The following PDIA5 variants were observed in gnomAD, a reference collection of about 807,000 sequenced individuals.
The protein encoded by PDIA5 is protein disulfide-isomerase A5.
A neutral mutation model predicts 77.6 loss-of-function variants in PDIA5; 58 were observed. The observed-to-expected ratio is 0.75, with a 90% CI of 0.61 to 0.93. The LOEUF (loss-of-function observed/expected upper bound fraction) is 0.93, where lower values mean the gene tolerates loss of function less well. Ranked by LOEUF, PDIA5 falls within the 40% of genes least tolerant of loss-of-function variation. The pLI, the probability that PDIA5 is intolerant of heterozygous loss-of-function variation, is 0.00. For synonymous variants in PDIA5, 250 were observed against 252.1 expected (o/e 0.99, Z 0.08); for missense variants, 630 against 647.7 (o/e 0.97, Z 0.30).
chr3:123,138,885 A>C (rs540914477), intron 11 of PDIA5, among the ~76,000 whole-genome samples: 170 of 152,316 alleles, frequency 1.1e-3, no homozygotes, highest in Non-Finnish European at 1.9e-3. Context: ...CCTGGCTACC[A>C]GGGAGCTTTA....
intron 1 of PDIA5, among the ~76,000 whole-genome samples, chr3:123,081,207 T>C (rs1485610120): frequency 6.6e-6 from 1 of 152,178 alleles, no homozygotes; most frequent in Admixed American, 6.5e-5. Context: ...CTGGTGGTGG[T>C]CGTGAGAATG....
chr3:123,074,824 C>A (rs573280031), intron 1 of PDIA5, among the ~76,000 whole-genome samples: 1 of 152,218 alleles, frequency 6.6e-6, no homozygotes, highest in East Asian at 1.9e-4. Context: ...TTTTCTCCAT[C>A]CAAATTCGTA....
At chr3:123,095,814 G>A (rs1934421119) in intron 3 of PDIA5, among the ~76,000 whole-genome samples, 1 of 149,386 alleles carries the variant, frequency 6.7e-6, no homozygotes, top group Admixed American at 6.7e-5. Flanking sequence ...AATGTCAGAA[G>A]ACCCAGCTTT....
chr3:123,125,522 C>T (rs1426745189), intron 10 of PDIA5, among the ~76,000 whole-genome samples: 2 of 152,176 alleles, frequency 1.3e-5, no homozygotes, highest in African/African-American at 2.4e-5. Context: ...CCTCAGCTGC[C>T]GGCACAGTGG....
chr3:123,099,949 C>T (rs552434074), intron 3 of PDIA5, among the ~76,000 whole-genome samples: 82 of 152,396 alleles, frequency 5.4e-4, no homozygotes, highest in African/African-American at 1.9e-3. Flanking sequence ...CAGGCAGGAA[C>T]TGCAGTGTGA....
At position 123,150,248 on chromosome 3, in the gene PDIA5, C is replaced by T. The variant is rs768135631; in HGVS notation, c.1157C>T (p.Pro386Leu). The change falls in exon 14 of 17, where the codon CCG becomes CTG. Residue 386 changes from proline to leucine, a missense_variant. Transcript: ENST00000316218. ...GCTTCTTGCAGCCCTGAGGCCCCCCCGCCCCCAGAGCCCACGTGGGAAGAG... is the reference window on the plus strand; with the variant it reads ...GCTTCTTGCAGCCCTGAGGCCCCCCTGCCCCCAGAGCCCACGTGGGAAGAG... Reference protein sequence around the residue: ...LEWMQNPEAPPPPEPTWEEQQ... With the variant: ...LEWMQNPEAPLPPEPTWEEQQ... 25 of 1,612,672 alleles carry T rather than the reference C, an allele frequency of 1.6e-5. No individual in the cohort carries two copies. Among genetic ancestry groups the T allele is most frequent in the African/African-American group, 5.3e-5 (4 of 74,876 alleles).
At chr3:123,146,021 G>A in intron 12 of PDIA5, 78 bp from the exon 13 acceptor site, 1 of 1,384,762 alleles carries the variant, frequency 7.2e-7, no homozygotes, top group Non-Finnish European at 1.0e-6. Flanking sequence ...GGGTTGTGGG[G>A]GCAGCGTCTG....
chr3:123,109,548 C>A (rs1243422569), intron 6 of PDIA5, among the ~76,000 whole-genome samples: 1 of 151,984 alleles, frequency 6.6e-6, no homozygotes, highest in Admixed American at 6.6e-5. Flanking sequence ...TCTCTAGTTA[C>A]GTAAACAAAG....
chr3:123,098,160 G>A lies in PDIA5; in HGVS notation c.258-4251G>A, dbSNP rs572938081. On this transcript the variant is annotated intron_variant, in intron 3 of 16. Coordinates refer to ENST00000316218, the MANE Select transcript of PDIA5 (RefSeq NM_006810.4). The stretch of plus-strand genomic sequence containing the variant: ...TTATTTAGTCTGACTTGACCCCGTA[G>A]AGAAATCAAGCTCCATTCAGCTTAT... 2.0e-5 allele frequency among the ~76,000 whole-genome samples: 3 copies of A among 152,264 alleles called. No individual in the cohort carries two copies. The South Asian group carries it at 6.2e-4, about 32-fold the overall frequency.
Position 123,067,102 on chromosome 3 carries a change from G to A in PDIA5, c.-63G>A. The stretch of plus-strand genomic sequence containing the variant: ...TGGTTGGCCGCGGTGGAGCTAGCAG[G>A]CGGGCGGGCGGGAGCGGGCGCCGGA... On this transcript the variant is annotated 5_prime_UTR_variant, in exon 1 of 17. Transcript: ENST00000316218. 2 of 1,210,476 alleles carry A rather than the reference G, an allele frequency of 1.7e-6. No homozygotes were observed. Among genetic ancestry groups the A allele is most frequent in the Non-Finnish European group, 2.1e-6 (2 of 965,306 alleles). The allele number at this position is 1,210,476 out of a possible 1,614,324, so 75.0% of individuals were successfully genotyped here. A position where few individuals can be genotyped will look rare whatever the true frequency, so the allele number is the denominator to read the frequency against.
chr3:123,123,604 C>G (rs1935168823), intron 8 of PDIA5, among the ~76,000 whole-genome samples: 1 of 152,212 alleles, frequency 6.6e-6, no homozygotes, highest in African/African-American at 2.4e-5. Context: ...AGGAAGGTGT[C>G]TAAGGACGTT....
At chr3:123,074,128 GTTCA>G (rs1933791091) in intron 1 of PDIA5, among the ~76,000 whole-genome samples, 1 of 152,200 alleles carries the variant, frequency 6.6e-6, no homozygotes, top group South Asian at 2.1e-4. Context: ...TGCCACAGAT[GTTCA>G]TTCATTCAAC....
intron 2 of PDIA5, 36 bp downstream of exon 2, chr3:123,089,330 G>A (rs755846874): frequency 5.0e-5 from 81 of 1,604,246 alleles, no homozygotes; most frequent in Admixed American, 3.4e-4. Flanking sequence ...GTCAACCATC[G>A]GGGTAGGATG....
At chr3:123,084,550 C>T (rs1212077795) in intron 1 of PDIA5, among the ~76,000 whole-genome samples, 1 of 152,076 alleles carries the variant, frequency 6.6e-6, no homozygotes, top group Non-Finnish European at 1.5e-5. Context: ...TACTTGGTGG[C>T]TCACCTTGCA....
chr3:123,141,380 G>T (rs1277269872), intron 11 of PDIA5, among the ~76,000 whole-genome samples: 1 of 152,218 alleles, frequency 6.6e-6, no homozygotes, highest in Non-Finnish European at 1.5e-5. Flanking sequence ...AGGCCTCCCA[G>T]TGTGTCCTCC....
chr3:123,133,960 GTTGT>G (rs752411369), intron 11 of PDIA5, among the ~76,000 whole-genome samples: 3 of 150,574 alleles, frequency 2.0e-5, no homozygotes, highest in East Asian at 1.9e-4. Context: ...TCTTTGCAGT[GTTGT>G]TTGTTTTCTT....
chr3:123,137,267 A>T (rs1487108216), intron 11 of PDIA5, among the ~76,000 whole-genome samples: 1 of 152,198 alleles, frequency 6.6e-6, no homozygotes, highest in Non-Finnish European at 1.5e-5. Flanking sequence ...ACCTCTAGGG[A>T]AGCTGGACAT....
At chr3:123,130,715 T>C (rs1328888333) in intron 11 of PDIA5, 99 bp downstream of exon 11, 1 of 1,397,378 alleles carries the variant, frequency 7.2e-7, no homozygotes, top group Non-Finnish European at 1.0e-6. Context: ...CACTTATTTT[T>C]TGGATGCCAG....
intron 1 of PDIA5, 126 bp from the exon 2 acceptor site, chr3:123,089,042 A>C: frequency 1.3e-6 from 1 of 797,980 alleles, no homozygotes; most frequent in Non-Finnish European, 2.0e-6. Context: ...GTGGTGCATG[A>C]GATGTGTTGG....
Sources: gnomAD v4.1 joint callset for allele counts (sites outside exome capture counted in the v4.1 genomes callset) on GRCh38, gnomAD v4.1.1 for gene constraint, MANE v1.5 for transcripts, NCBI Gene and HGNC (gene_info 2026-07-23, HGNC 2026-07-21) for gene names.